FRMD6: variants seen among roughly 807,000 people sequenced by gnomAD.
The protein encoded by FRMD6 is FERM domain containing 6.
In FRMD6, 37 loss-of-function variants were observed where a neutral mutation model predicts 73.2. That is an observed-to-expected ratio of 0.51 (90% CI 0.39 to 0.66). FRMD6 has a LOEUF of 0.66. FRMD6 is among the 30% of genes least tolerant of loss of function. The pLI, the probability that FRMD6 is intolerant of heterozygous loss-of-function variation, is 0.00. For missense variants in FRMD6, 714 were observed against 780.5 expected (o/e 0.91, Z 1.02); for synonymous variants, 273 against 282.2 (o/e 0.97, Z 0.33).
chr14:51,567,659 A>T (rs1887849087), intron 1 of FRMD6, among the ~76,000 whole-genome samples: 1 of 152,168 alleles, frequency 6.6e-6, no homozygotes, highest in South Asian at 2.1e-4. Context: ...TTTTTGTAGA[A>T]ATCATATGCA....
intron 2 of FRMD6, among the ~76,000 whole-genome samples, chr14:51,619,096 A>G (rs1030154467): frequency 2.6e-5 from 4 of 152,058 alleles, no homozygotes; most frequent in African/African-American, 9.7e-5. Context: ...TTTGCACATA[A>G]CAGAAGTGTT....
chr14:51,449,396 C>T, the FRMD6 span, among the ~76,000 whole-genome samples: 1 of 152,186 alleles, frequency 6.6e-6, no homozygotes, highest in Non-Finnish European at 1.5e-5. Context: ...AAAGGAATCT[C>T]AGTGCACAGT....
the FRMD6 span, among the ~76,000 whole-genome samples, chr14:51,461,042 CA>C: frequency 6.6e-6 from 1 of 152,074 alleles, no homozygotes; most frequent in Admixed American, 6.5e-5. Context: ...TTTATAGATC[CA>C]AAGAGCCACA....
intron 1 of FRMD6, among the ~76,000 whole-genome samples, chr14:51,664,449 C>T (rs985368698): frequency 2.0e-5 from 3 of 152,188 alleles, no homozygotes; most frequent in Admixed American, 6.5e-5. Context: ...TACTAATTAT[C>T]TTCTCTTTCT....
chr14:51,544,454 T>C (rs1187179142), intron 1 of FRMD6, among the ~76,000 whole-genome samples: 1 of 152,064 alleles, frequency 6.6e-6, no homozygotes, highest in East Asian at 1.9e-4. Context: ...TTTTATTACA[T>C]GTGTATAATA....
chr14:51,552,034 C>T (rs1205063223), intron 1 of FRMD6, among the ~76,000 whole-genome samples: 1 of 152,046 alleles, frequency 6.6e-6, no homozygotes, highest in Non-Finnish European at 1.5e-5. Flanking sequence ...TAGAACATTG[C>T]CTAGCCTATA....
the FRMD6 span, among the ~76,000 whole-genome samples, chr14:51,448,164 C>T: frequency 6.6e-6 from 1 of 152,124 alleles, no homozygotes; most frequent in South Asian, 2.1e-4. Flanking sequence ...TTGAGAAATC[C>T]TCAGTTATTA....
At chr14:51,582,213 T>A (rs1017737020) in intron 2 of FRMD6, among the ~76,000 whole-genome samples, 1 of 152,178 alleles carries the variant, frequency 6.6e-6, no homozygotes, top group Non-Finnish European at 1.5e-5. Context: ...CCATTTGGTT[T>A]GTTTATGTGG....
intron 2 of FRMD6, among the ~76,000 whole-genome samples, chr14:51,583,917 G>A (rs1217436079): frequency 6.6e-6 from 1 of 152,148 alleles, no homozygotes; most frequent in Non-Finnish European, 1.5e-5. Context: ...AAATGAATAA[G>A]GCATGATAGG....
chr14:51,427,708 C>T, the FRMD6 span, among the ~76,000 whole-genome samples: 225 of 152,314 alleles, frequency 1.5e-3, 1 homozygote, highest in African/African-American at 5.3e-3. Flanking sequence ...CATAAGTGAG[C>T]ATGCAGTGGT....
At chr14:51,648,357 C>T (rs1432064136), upstream of FRMD6, among the ~76,000 whole-genome samples, 1 of 152,182 alleles carries the variant, frequency 6.6e-6, no homozygotes, top group African/African-American at 2.4e-5. Flanking sequence ...GCTTTAAAAG[C>T]ATGGCTCTGT....
rs1328967661 is a variant in FRMD6 at position 51,715,364 on chromosome 14, G to T, written c.889G>T (p.Ala297Ser). 3 of 1,594,664 alleles carry T rather than the reference G, an allele frequency of 1.9e-6. No individual in the cohort carries two copies. Among genetic ancestry groups the T allele is most frequent in the Admixed American group, 1.7e-5 (1 of 58,060 alleles). ...FEILPDGLPS[A>S]RKLIYYTGCP... ...GATTTTGCCAGATGGCTTGCCTTCT[G>T]CCCGGAAGCTCATATACTACACGGG... The change falls in exon 10 of 14, where the codon GCC becomes TCC. Residue 297 changes from alanine to serine, a missense_variant. Coordinates refer to ENST00000344768, the MANE Select transcript of FRMD6 (RefSeq NM_001267046.2).
At chr14:51,674,568 G>A (rs1228161367) in intron 1 of FRMD6, among the ~76,000 whole-genome samples, 2 of 152,054 alleles carry the variant, frequency 1.3e-5, no homozygotes, top group African/African-American at 2.4e-5. Flanking sequence ...CAGAGGTAGG[G>A]TGGTTTCTGG....
At chr14:51,404,171 C>T in the FRMD6 span, among the ~76,000 whole-genome samples, 1 of 152,112 alleles carries the variant, frequency 6.6e-6, no homozygotes, top group Non-Finnish European at 1.5e-5. Flanking sequence ...TTTCTTAACA[C>T]TAATAAAATT....
At chr14:51,693,377 A>T (rs148169506) in intron 2 of FRMD6, among the ~76,000 whole-genome samples, 85 of 152,310 alleles carry the variant, frequency 5.6e-4, no homozygotes, top group African/African-American at 1.9e-3. Context: ...AATCTCTCTA[A>T]CATGGTTAGG....
At chr14:51,444,587 T>C in the FRMD6 span, among the ~76,000 whole-genome samples, 2 of 152,162 alleles carry the variant, frequency 1.3e-5, no homozygotes, top group African/African-American at 4.8e-5. Context: ...AGCAAGGGAA[T>C]TTGGACTTCT....
chr14:51,632,245 G>C (rs2139984471), intron 2 of FRMD6, among the ~76,000 whole-genome samples: 1 of 152,256 alleles, frequency 6.6e-6, no homozygotes, highest in African/African-American at 2.4e-5. Context: ...GAGTTAATTA[G>C]ACCTCTTTCC....
chr14:51,512,318 G>A (rs1471367633), intron 1 of FRMD6, among the ~76,000 whole-genome samples: 7 of 152,198 alleles, frequency 4.6e-5, no homozygotes, highest in Non-Finnish European at 1.0e-4. Context: ...ATCCCTCCCT[G>A]CTCCTGCTTC....
chr14:51,447,118 C>T, the FRMD6 span, among the ~76,000 whole-genome samples: 3 of 152,194 alleles, frequency 2.0e-5, no homozygotes, highest in African/African-American at 7.2e-5. Context: ...TCCTTTACAG[C>T]TCCTAACTCC....
Sources: gnomAD v4.1 joint callset for allele counts (sites outside exome capture counted in the v4.1 genomes callset) on GRCh38, gnomAD v4.1.1 for gene constraint, MANE v1.5 for transcripts, NCBI Gene and HGNC (gene_info 2026-07-23, HGNC 2026-07-21) for gene names.